The following SGK3 variants were observed in gnomAD, a reference collection of about 807,000 sequenced individuals.
The protein encoded by SGK3 is serine/threonine-protein kinase Sgk3.
Under a neutral mutation model 68.5 loss-of-function variants are expected in SGK3, and 47 were observed. The observed-to-expected ratio is 0.69, with a 90% CI of 0.54 to 0.87. The LOEUF (loss-of-function observed/expected upper bound fraction) is 0.87. Ranked by LOEUF, SGK3 falls within the 40% of genes least tolerant of loss-of-function variation. The pLI, the probability that SGK3 is intolerant of heterozygous loss-of-function variation, is 0.00. For synonymous variants in SGK3, 181 were observed against 189.1 expected (o/e 0.96, Z 0.35); for missense variants, 479 against 575.5 (o/e 0.83, Z 1.72).
intron 1 of SGK3, among the ~76,000 whole-genome samples, chr8:66,748,722 C>A (rs145329262): frequency 1.3e-5 from 2 of 152,190 alleles, no homozygotes; most frequent in Non-Finnish European, 2.9e-5. Context: ...GGAGTAGGCT[C>A]ATCAATTTTA....
chr8:66,814,843 GT>G (rs1377527861), intron 5 of SGK3, among the ~76,000 whole-genome samples: 2 of 152,152 alleles, frequency 1.3e-5, no homozygotes, highest in Non-Finnish European at 2.9e-5. Context: ...TTTGGCTTGT[GT>G]TTTCATTTTT....
chr8:66,844,978 T>C (rs948756530), intron 14 of SGK3, among the ~76,000 whole-genome samples: 8 of 152,362 alleles, frequency 5.3e-5, no homozygotes, highest in African/African-American at 1.9e-4. Flanking sequence ...CATCTTGATA[T>C]TTCAGAATCC....
intron 5 of SGK3, among the ~76,000 whole-genome samples, chr8:66,819,818 T>A (rs1808736933): frequency 6.6e-6 from 1 of 151,870 alleles, no homozygotes; most frequent in African/African-American, 2.4e-5. Flanking sequence ...GTTTTTTGTT[T>A]TTTGGTTTTT....
At chr8:66,779,060 T>A (rs1046066120) in intron 1 of SGK3, among the ~76,000 whole-genome samples, 3 of 152,198 alleles carry the variant, frequency 2.0e-5, no homozygotes, top group African/African-American at 7.2e-5. Flanking sequence ...TTCCTTTCAT[T>A]GTTTAATCTT....
At chr8:66,816,634 G>A (rs1037780179) in intron 5 of SGK3, among the ~76,000 whole-genome samples, 8 of 151,906 alleles carry the variant, frequency 5.3e-5, no homozygotes, top group South Asian at 2.1e-4. Flanking sequence ...GTGAGCCATC[G>A]CACCCGGCCA....
intron 5 of SGK3, among the ~76,000 whole-genome samples, chr8:66,820,665 A>T (rs1189493870): frequency 6.6e-6 from 1 of 152,094 alleles, no homozygotes; most frequent in African/African-American, 2.4e-5. Context: ...TTTTACATTT[A>T]CACCAGTCCA....
intron 16 of SGK3, among the ~76,000 whole-genome samples, chr8:66,857,799 A>ATGTG (rs111758415): frequency 0.17 from 23,183 of 133,470 alleles, 2,207 homozygotes; most frequent in South Asian, 0.27. Context: ...GTGTGTGTGT[A>ATGTG]TGTGTGTGTG....
chr8:66,742,404 G>C (rs1805508562), intron 1 of SGK3, among the ~76,000 whole-genome samples: 2 of 152,130 alleles, frequency 1.3e-5, no homozygotes, highest in Non-Finnish European at 2.9e-5. Flanking sequence ...GTCTCACTCT[G>C]TTGCACAGGC....
At chr8:66,717,640 G>A (rs967584062) in intron 1 of SGK3, among the ~76,000 whole-genome samples, 1 of 152,110 alleles carries the variant, frequency 6.6e-6, no homozygotes. Flanking sequence ...CAAGGACAGT[G>A]GTGCTTCATA....
At chr8:66,844,046 T>A (rs6991442) in intron 14 of SGK3, among the ~76,000 whole-genome samples, 3,040 of 151,366 alleles carry the variant, frequency 0.02, 107 homozygotes, top group African/African-American at 0.069. Context: ...CTAGTTTTTT[T>A]AAATTAATAT....
chr8:66,843,492 A>G lies in SGK3; in HGVS notation c.1019A>G (p.Asn340Ser). Residue 340 changes from asparagine (N) to serine (S), a missense_variant, in exon 14 of 17, where the codon AAT (asparagine) becomes AGT (serine). Transcript: ENST00000521198. ...PEVIRKQPYD[N>S]TVDWWCLGAV... is the part of the protein sequence containing the mutation. ...GTAATTAGAAAACAGCCCTATGACAATACTGTAGATTGGTGGTGCCTTGGG... is the reference window on the plus strand; with the variant it reads ...GTAATTAGAAAACAGCCCTATGACAGTACTGTAGATTGGTGGTGCCTTGGG... The G allele has an allele frequency of 6.2e-7, 1 of 1,613,934 alleles. No homozygotes were observed. Among genetic ancestry groups the G allele is most frequent in the East Asian group, 2.2e-5 (1 of 44,864 alleles).
At chr8:66,824,088 G>T (rs547317854) in intron 6 of SGK3, among the ~76,000 whole-genome samples, 18 of 152,102 alleles carry the variant, frequency 1.2e-4, no homozygotes, top group Admixed American at 2.6e-4. Flanking sequence ...GTGACTACTG[G>T]AAAGTAGTAA....
In SGK3 at chr8:66,802,633, C is replaced by T. The variant is rs1807992535; in HGVS notation, c.181-1742C>T. ...AGCCCAGGAGGTCAGCACTGCATTC[C>T]AGCCTGGGTGATAGAGCAAGACACT... On this transcript the variant is annotated intron_variant, in intron 3 of 16. Transcript: ENST00000521198. 2.0e-5 allele frequency among the ~76,000 whole-genome samples: 3 copies of T among 149,926 alleles called. No individual in the cohort carries two copies. In the South Asian group the frequency reaches 6.3e-4, roughly 32 times the overall value.
chr8:66,785,538 A>T (rs1222469222), intron 1 of SGK3, among the ~76,000 whole-genome samples: 1 of 151,956 alleles, frequency 6.6e-6, no homozygotes, highest in East Asian at 1.9e-4. Context: ...GCTTAACATC[A>T]TCCCTGACGA....
chr8:66,759,302 C>T (rs954734624), intron 1 of SGK3, among the ~76,000 whole-genome samples: 8 of 151,620 alleles, frequency 5.3e-5, no homozygotes, highest in Middle Eastern at 6.8e-3. Flanking sequence ...CCAGGCTGGT[C>T]TCGAACTCCT....
At chr8:66,757,608 A>T (rs986619153) in intron 1 of SGK3, among the ~76,000 whole-genome samples, 16 of 131,920 alleles carry the variant, frequency 1.2e-4, no homozygotes, top group African/African-American at 5.3e-4. Flanking sequence ...ATAAATTTTA[A>T]AAAAAAAATT....
chr8:66,778,892 A>G (rs1009013700), intron 1 of SGK3, among the ~76,000 whole-genome samples: 5 of 152,170 alleles, frequency 3.3e-5, no homozygotes, highest in African/African-American at 1.2e-4. Context: ...TTATTGAGCA[A>G]TATCTGCAGC....
chr8:66,810,440 C>T (rs1808339024), intron 4 of SGK3, among the ~76,000 whole-genome samples: 1 of 152,186 alleles, frequency 6.6e-6, no homozygotes, highest in African/African-American at 2.4e-5. Flanking sequence ...GTGGCTCACG[C>T]CTGTAATCCC....
rs557451051 is a variant in SGK3, at chr8:66,811,004, A to T, written c.254-2849A>T. Among the ~76,000 whole-genome samples, 40 of 152,184 alleles carry T rather than the reference A, an allele frequency of 2.6e-4. No homozygotes were observed. In the South Asian group the frequency reaches 8.3e-3, roughly 32 times the overall value. On this transcript the variant is annotated intron_variant, in intron 4 of 16. Coordinates refer to ENST00000521198, the MANE Select transcript of SGK3 (RefSeq NM_001033578.3). ...TTTTAATAGGATGCACCCAGAGGAA[A>T]CCATACTTTTAACTTTATTTATATA...
Sources: gnomAD v4.1 joint callset for allele counts (sites outside exome capture counted in the v4.1 genomes callset) on GRCh38, gnomAD v4.1.1 for gene constraint, MANE v1.5 for transcripts, NCBI Gene and HGNC (gene_info 2026-07-23, HGNC 2026-07-21) for gene names.